RGL1: variants seen among roughly 807,000 people sequenced by gnomAD.
RGL1 encodes ral guanine nucleotide dissociation stimulator-like 1.
In RGL1, 24 loss-of-function variants were observed where a neutral mutation model predicts 95.2. The observed-to-expected ratio is 0.25, with a 90% CI of 0.18 to 0.35. The LOEUF (loss-of-function observed/expected upper bound fraction) is 0.35, where lower values mean the gene tolerates loss of function less well. Ranked by LOEUF, RGL1 falls within the 10% of genes least tolerant of loss-of-function variation. The probability of loss-of-function intolerance (pLI) is 1.00; values close to 1 mark genes in which losing one functional copy is unlikely to be tolerated. For synonymous variants in RGL1, 329 were observed against 344.9 expected (o/e 0.95, Z 0.51); for missense variants, 715 against 936.3 (o/e 0.76, Z 3.08).
rs1669655239 is a variant in RGL1 at position 183,927,086 on chromosome 1, C to T, written c.*794C>T. On this transcript the variant is annotated 3_prime_UTR_variant, in exon 18 of 18. Transcript: ENST00000360851. Reference sequence around the variant, plus strand: ...GGCAACCCCGTGTATTTCCGTTTTCCCCCTAAAGAACATATCATAATCATT... The same window carrying T: ...GGCAACCCCGTGTATTTCCGTTTTCTCCCTAAAGAACATATCATAATCATT... The T allele has an allele frequency of 2.6e-5, 4 of 152,684 alleles. No individual in the cohort carries two copies. In the South Asian group the frequency reaches 6.2e-4, roughly 24 times the overall value. 9.5% of individuals were successfully genotyped at this position (152,684 alleles called of 1,614,324 possible).
Position 183,918,367 on chromosome 1 carries a change from A to C in RGL1, c.2004+1666A>C, listed in dbSNP as rs150152176. ...GGAGCACCCGAGAGGTAGAGGAAAC[A>C]CAGGGAAGCCAAGGTCCTCCATGTG... On this transcript the variant is annotated intron_variant, in intron 16 of 17. Transcript: ENST00000360851. Among the ~76,000 whole-genome samples the C allele has an allele frequency of 5.4e-3, 816 of 152,298 alleles. 8 individuals are homozygous for C. The highest frequency in any genetic ancestry group is 0.01 in the Middle Eastern group (3 of 294).
intron 2 of RGL1, among the ~76,000 whole-genome samples, chr1:183,794,830 C>G (rs576103917): frequency 3.2e-4 from 49 of 152,320 alleles, no homozygotes; most frequent in African/African-American, 1.2e-3. Context: ...AGAGCGAGTA[C>G]CACCTGACTC....
intron 2 of RGL1, among the ~76,000 whole-genome samples, chr1:183,842,345 T>C (rs907354089): frequency 6.9e-5 from 10 of 145,572 alleles, no homozygotes; most frequent in Admixed American, 1.4e-4. Flanking sequence ...TTTTTTTTTT[T>C]CAAATTAGAA....
At chr1:183,669,491 A>G (rs921605672) in intron 1 of RGL1, among the ~76,000 whole-genome samples, 2 of 152,158 alleles carry the variant, frequency 1.3e-5, no homozygotes, top group Admixed American at 6.6e-5. Context: ...TAGCGTTTCT[A>G]CCATATGCGA....
intron 1 of RGL1, among the ~76,000 whole-genome samples, chr1:183,649,895 C>T (rs913853512): frequency 6.6e-6 from 1 of 152,158 alleles, no homozygotes; most frequent in Non-Finnish European, 1.5e-5. Context: ...CACTGTGGCC[C>T]CAACCTTCCG....
intron 1 of RGL1, among the ~76,000 whole-genome samples, chr1:183,698,864 A>G (rs1187552157): frequency 6.6e-6 from 1 of 152,204 alleles, no homozygotes; most frequent in Admixed American, 6.5e-5. Flanking sequence ...TGAATGAGTT[A>G]CTTCATGGTA....
intron 17 of RGL1, among the ~76,000 whole-genome samples, chr1:183,924,853 C>A (rs1190323343): frequency 6.6e-6 from 1 of 151,086 alleles, no homozygotes; most frequent in East Asian, 1.9e-4. Flanking sequence ...GTAATCCCAG[C>A]TACTTGGGGG....
At chr1:183,870,624 C>G (rs769909615) in intron 4 of RGL1, among the ~76,000 whole-genome samples, 1 of 152,120 alleles carries the variant, frequency 6.6e-6, no homozygotes, top group Admixed American at 6.5e-5. Flanking sequence ...TTCAAGCTTT[C>G]GGGCCCGGGG....
At chr1:183,648,250 C>T in intron 1 of RGL1, 1 of 1,614,172 alleles carries the variant, frequency 6.2e-7, no homozygotes, top group Non-Finnish European at 8.5e-7. Context: ...CATAAGCTGG[C>T]CAGGCTCCGG....
At chr1:183,917,669 G>A (rs2102747456) in intron 16 of RGL1, among the ~76,000 whole-genome samples, 1 of 152,360 alleles carries the variant, frequency 6.6e-6, no homozygotes, top group African/African-American at 2.4e-5. Flanking sequence ...GGGATAGGGA[G>A]ATGAGTGAGA....
rs554436930 is a variant in RGL1, at chr1:183,868,101, C to T, written c.425+2028C>T. 2.0e-5 allele frequency among the ~76,000 whole-genome samples: 3 copies of T among 152,242 alleles called. No homozygotes were observed. In the South Asian group the frequency reaches 6.2e-4, roughly 32 times the overall value. ...TGGAGGAGGTTACCTTTGATCTGGG[C>T]CCTGAAGCATGGTGAAGATTTTGTT... On this transcript the variant is annotated intron_variant, in intron 4 of 17. Coordinates refer to ENST00000360851, the MANE Select transcript of RGL1 (RefSeq NM_001297671.3).
chr1:183,867,493 C>G (rs1665911062), intron 4 of RGL1, among the ~76,000 whole-genome samples: 1 of 152,026 alleles, frequency 6.6e-6, no homozygotes, highest in African/African-American at 2.4e-5. Flanking sequence ...TCTTTGGTGA[C>G]TTGACAAGTG....
intron 1 of RGL1, among the ~76,000 whole-genome samples, chr1:183,700,812 G>A (rs550666599): frequency 6.6e-6 from 1 of 152,152 alleles, no homozygotes; most frequent in East Asian, 1.9e-4. Context: ...CCAAAGTGCT[G>A]GGATTACAGG....
chr1:183,846,565 C>CCAA (rs60194925), intron 2 of RGL1, among the ~76,000 whole-genome samples: 3,380 of 151,756 alleles, frequency 0.022, 139 homozygotes, highest in African/African-American at 0.079. Context: ...ATAAAAAACT[C>CCAA]CAACAACAAC....
chr1:183,832,332 T>A (rs1663318047), intron 2 of RGL1, among the ~76,000 whole-genome samples: 1 of 152,224 alleles, frequency 6.6e-6, no homozygotes, highest in African/African-American at 2.4e-5. Context: ...ATAAAATGAA[T>A]TTCCTTATGT....
At chr1:183,821,385 A>G (rs1475313486) in intron 2 of RGL1, among the ~76,000 whole-genome samples, 3 of 152,196 alleles carry the variant, frequency 2.0e-5, no homozygotes, top group South Asian at 2.1e-4. Flanking sequence ...TCATTATTGT[A>G]AAACTTTTTG....
chr1:183,662,488 G>C (rs1210731665), intron 1 of RGL1, among the ~76,000 whole-genome samples: 2 of 151,606 alleles, frequency 1.3e-5, no homozygotes, highest in African/African-American at 4.9e-5. Flanking sequence ...AAAATACCTA[G>C]GAATCCAACT....
chr1:183,694,389 C>G (rs1049998741), intron 1 of RGL1, among the ~76,000 whole-genome samples: 3 of 152,150 alleles, frequency 2.0e-5, no homozygotes, highest in Non-Finnish European at 4.4e-5. Flanking sequence ...AGTTCTTGAC[C>G]CATATTCTTT....
At chr1:183,658,196 G>GAC (rs1431386962) in intron 1 of RGL1, among the ~76,000 whole-genome samples, 11 of 152,228 alleles carry the variant, frequency 7.2e-5, no homozygotes, top group Non-Finnish European at 1.6e-4. Context: ...GGGAGTGCCA[G>GAC]ACAGTGGGCG....
Sources: allele counts gnomAD v4.1 joint callset (sites outside exome capture counted in the v4.1 genomes callset), GRCh38; gene constraint gnomAD v4.1.1; transcripts MANE v1.5; gene names NCBI Gene and HGNC (gene_info 2026-07-23, HGNC 2026-07-21).